The following MYLK variants were observed in gnomAD, a reference collection of about 807,000 sequenced individuals.
MYLK encodes myosin light chain kinase, smooth muscle.
Under a neutral mutation model 203.4 loss-of-function variants are expected in MYLK, and 106 were observed. The ratio of observed to expected loss-of-function variants is 0.52; its 90% CI spans 0.45 to 0.61. MYLK has a LOEUF of 0.61. MYLK is among the 20% of genes least tolerant of loss of function. The probability of loss-of-function intolerance (pLI) is 0.00; values close to 1 mark genes in which losing one functional copy is unlikely to be tolerated. For synonymous variants in MYLK, 867 were observed against 959.5 expected, an observed-to-expected ratio of 0.90 and a Z score of 1.78; for missense variants, 2,072 against 2,442.3, an observed-to-expected ratio of 0.85 and a Z score of 3.20.
chr3:123,760,420 C>T (rs2063498290), intron 4 of MYLK, among the ~76,000 whole-genome samples: 1 of 152,204 alleles, frequency 6.6e-6, no homozygotes, highest in Admixed American at 6.5e-5. Flanking sequence ...TAAGGTGATC[C>T]ATCTGCCTCG....
chr3:123,857,600 G>C (rs1415998673), intron 2 of MYLK, among the ~76,000 whole-genome samples: 1 of 140,522 alleles, frequency 7.1e-6, no homozygotes, highest in South Asian at 2.3e-4. Context: ...TGAACAATGA[G>C]AACACATGGA....
intron 20 of MYLK, chr3:123,681,776 G>C: frequency 4.2e-6 from 1 of 240,668 alleles, no homozygotes. Flanking sequence ...CTAACATGTG[G>C]AGCTTTGCTT....
intron 18 of MYLK, among the ~76,000 whole-genome samples, chr3:123,693,232 C>T (rs746038610): frequency 2.0e-4 from 31 of 152,244 alleles, no homozygotes; most frequent in Non-Finnish European, 4.0e-4. Context: ...AAAAGGAGTC[C>T]GACACAGGGT....
chr3:123,868,341 G>T (rs185880830), intron 2 of MYLK, among the ~76,000 whole-genome samples: 15 of 152,136 alleles, frequency 9.9e-5, no homozygotes, highest in African/African-American at 3.6e-4. Context: ...TAAACTATTT[G>T]GACAAAGATC....
chr3:123,825,570 A>C (rs1434740226), intron 3 of MYLK, among the ~76,000 whole-genome samples: 2 of 152,190 alleles, frequency 1.3e-5, no homozygotes, highest in Non-Finnish European at 2.9e-5. Context: ...CGGAGCACAA[A>C]GTATGCACTT....
At chr3:123,786,859 T>G (rs6438809) in intron 4 of MYLK, among the ~76,000 whole-genome samples, 19,587 of 152,238 alleles carry the variant, frequency 0.13, 1,486 homozygotes, top group South Asian at 0.21. Flanking sequence ...TACAAGGATA[T>G]TCAGATATAT....
Position 123,614,087 on chromosome 3 carries a change from C to G in MYLK, c.*18G>C, listed in dbSNP as rs1348613818. On this transcript the variant is annotated 3_prime_UTR_variant, in exon 34 of 34. Coordinates refer to ENST00000360304, the MANE Select transcript of MYLK (RefSeq NM_053025.4). ...TCCTTTTAATATGACTTAGAAACTG[C>G]TTTTCTCTGGCTTTGTTTCACTCTT... is the stretch of plus-strand genomic sequence containing the variant. 1 of 1,605,806 alleles carries G rather than the reference C, an allele frequency of 6.2e-7. No individual in the cohort carries two copies. The highest frequency in any genetic ancestry group is 8.5e-7 in the Non-Finnish European group (1 of 1,176,254).
chr3:123,663,784 T>G (rs935343266), intron 23 of MYLK, among the ~76,000 whole-genome samples: 1 of 152,160 alleles, frequency 6.6e-6, no homozygotes, highest in Non-Finnish European at 1.5e-5. Context: ...TTATGCCTCA[T>G]GTCTCTTATT....
At chr3:123,764,786 A>C (rs2063650547) in intron 4 of MYLK, among the ~76,000 whole-genome samples, 1 of 152,138 alleles carries the variant, frequency 6.6e-6, no homozygotes, top group Non-Finnish European at 1.5e-5. Context: ...TTCATCTTCC[A>C]GTTTTCAGCT....
Position 123,638,830 on chromosome 3 carries a change from G to C in MYLK, c.4838-636C>G, listed in dbSNP as rs1351372540. 1.8e-5 allele frequency: 18 copies of C among 985,430 alleles called. No individual in the cohort carries two copies. The East Asian group carries it at 1.9e-3, about 106-fold the overall frequency. 61.0% of individuals were successfully genotyped at this position (985,430 alleles called of 1,614,324 possible). On this transcript the variant is annotated intron_variant, in intron 28 of 33. Coordinates refer to ENST00000360304, the MANE Select transcript of MYLK (RefSeq NM_053025.4). ...TCGGGAGAGGCTTCAACCCCAGGGT[G>C]GTACCTCTTGGCCATAAAGGACCAG...
intron 4 of MYLK, among the ~76,000 whole-genome samples, chr3:123,757,467 G>A (rs13327325): frequency 0.042 from 6,447 of 152,200 alleles, 476 homozygotes; most frequent in African/African-American, 0.15. Context: ...TGGCCCAACC[G>A]CAGATAGGTC....
chr3:123,752,577 A>G (rs775548105), intron 4 of MYLK, 39 bp from the exon 5 acceptor site: 1 of 1,565,128 alleles, frequency 6.4e-7, no homozygotes, highest in South Asian at 1.1e-5. Context: ...CCTGTATTTC[A>G]TGAGTACTCT....
chr3:123,828,791 T>C (rs150786135), intron 3 of MYLK, among the ~76,000 whole-genome samples: 106 of 152,208 alleles, frequency 7.0e-4, no homozygotes, highest in African/African-American at 1.7e-3. Flanking sequence ...GGGCAAATGA[T>C]ATGAACAGAC....
chr3:123,834,055 G>A (rs931576900), intron 2 of MYLK, among the ~76,000 whole-genome samples: 4 of 151,736 alleles, frequency 2.6e-5, no homozygotes, highest in African/African-American at 9.7e-5. Context: ...TTTGTTTTTT[G>A]TTTCTTGGAG....
intron 5 of MYLK, among the ~76,000 whole-genome samples, chr3:123,744,400 C>T (rs1205542535): frequency 6.6e-6 from 1 of 152,012 alleles, no homozygotes; most frequent in African/African-American, 2.4e-5. Context: ...TGAAAGAGCA[C>T]AGGTCTACAG....
chr3:123,651,197 A>G lies in MYLK; in HGVS notation c.4289-2003T>C, dbSNP rs116527420. On this transcript the variant is annotated intron_variant, in intron 24 of 33. Transcript: ENST00000360304. ...TCGCCAAGGATGAGATGAGAGTTTC[A>G]GACTTTTCATCAACTCATGACTACT... 5.3e-3 allele frequency among the ~76,000 whole-genome samples: 810 copies of G among 152,318 alleles called. 11 individuals are homozygous for G. Among genetic ancestry groups the G allele is most frequent in the African/African-American group, 0.017 (727 of 41,574 alleles).
chr3:123,683,410 T>C (rs1023153256), intron 19 of MYLK, among the ~76,000 whole-genome samples: 21 of 152,046 alleles, frequency 1.4e-4, no homozygotes, highest in African/African-American at 5.1e-4. Flanking sequence ...TGATCTTGCC[T>C]AGACTGGGCT....
At chr3:123,632,228 C>T (rs1221077948) in intron 29 of MYLK, among the ~76,000 whole-genome samples, 2 of 152,100 alleles carry the variant, frequency 1.3e-5, no homozygotes, top group Non-Finnish European at 2.9e-5. Flanking sequence ...AGGGGCCTCC[C>T]AGCTCTCTCT....
chr3:123,702,911 G>A lies in MYLK; in HGVS notation c.2391-1402C>T, dbSNP rs556024224. ...AGTGGAGGGAGGGGTTGGGACCTGT[G>A]ACCCTATGACCTTTGCACTCTACCC... On this transcript the variant is annotated intron_variant, in intron 16 of 33. Coordinates refer to ENST00000360304, the MANE Select transcript of MYLK (RefSeq NM_053025.4). 5.3e-5 allele frequency among the ~76,000 whole-genome samples: 8 copies of A among 152,280 alleles called. No homozygotes were observed. The East Asian group carries it at 1.4e-3, about 26-fold the overall frequency.
Sources: allele counts gnomAD v4.1 joint callset (sites outside exome capture counted in the v4.1 genomes callset), GRCh38; gene constraint gnomAD v4.1.1; transcripts MANE v1.5; gene names NCBI Gene and HGNC (gene_info 2026-07-23, HGNC 2026-07-21).